EXD3: variants seen among roughly 807,000 people sequenced by gnomAD.
EXD3 encodes exonuclease mut-7 homolog.
EXD3 carries 92 observed loss-of-function variants against 98.0 expected under a neutral mutation model. The observed-to-expected ratio is 0.94, with a 90% confidence interval of 0.79 to 1.12. The LOEUF is 1.12. Among genes scored for constraint, EXD3 ranks in the 50% most tolerant of loss-of-function variants. EXD3 has a pLI of 0.00. For missense variants in EXD3, 1,222 were observed against 1,191.6 expected (o/e 1.03, Z -0.38); for synonymous variants, 569 against 526.0 (o/e 1.08, Z -1.12).
intron 19 of EXD3, among the ~76,000 whole-genome samples, chr9:137,312,451 T>A (rs1203945758): frequency 2.0e-5 from 3 of 152,158 alleles, no homozygotes; most frequent in Non-Finnish European, 4.4e-5. Context: ...CGCCCGGGAC[T>A]GTGCGGGCTG....
intron 17 of EXD3, among the ~76,000 whole-genome samples, chr9:137,335,898 T>C (rs1316885212): frequency 3.9e-5 from 6 of 151,974 alleles, no homozygotes; most frequent in African/African-American, 1.5e-4. Context: ...TAAGTATCCA[T>C]CAAGCAATGA....
At chr9:137,339,385 C>T (rs1010468301) in intron 17 of EXD3, among the ~76,000 whole-genome samples, 2 of 151,044 alleles carry the variant, frequency 1.3e-5, no homozygotes, top group South Asian at 2.1e-4. Context: ...CAGACCAGGC[C>T]GGGTGAGGTG....
chr9:137,348,230 C>T lies in EXD3; in HGVS notation c.1839G>A (p.Val613=), dbSNP rs1307918204. 15 of 1,611,218 alleles carry T rather than the reference C, an allele frequency of 9.3e-6. No homozygotes were observed. Among genetic ancestry groups the T allele is most frequent in the Non-Finnish European group, 1.3e-5 (15 of 1,179,452 alleles). The change falls in exon 17 of 22, where the codon GTG becomes GTA. Residue 613 remains valine (V), a synonymous_variant. Transcript: ENST00000340951. ...SAPAAPRQVP[V]AVAVSEGAAP... ...CAGCGCCCTCAGACACAGCCACAGCCACAGGGACCTGCAGTGAGGCCCTGG... is the reference window on the plus strand; with the variant it reads ...CAGCGCCCTCAGACACAGCCACAGCTACAGGGACCTGCAGTGAGGCCCTGG...
chr9:137,323,447 G>A (rs555358514), intron 19 of EXD3, among the ~76,000 whole-genome samples: 11 of 26,832 alleles, frequency 4.1e-4, no homozygotes, highest in Non-Finnish European at 7.1e-4. Context: ...ACCCCACCCC[G>A]GACCCACGAG....
rs1305759332 is a variant in EXD3 at position 137,407,368 on chromosome 9, C to T, written c.-47-11964G>A. On this transcript the variant is annotated intron_variant, in intron 1 of 21. Transcript: ENST00000340951. The surrounding 1 kb of genome is among the most constrained non-coding windows in gnomAD (Gnocchi z 4.4). ...CTAAATACCGCAGAGGTGACTGCTC[C>T]CCCGCGAAGCCCACCCACCTGAGGT... Among the ~76,000 whole-genome samples the T allele has an allele frequency of 2.6e-5, 4 of 152,244 alleles. No individual in the cohort carries two copies. Among genetic ancestry groups the T allele is most frequent in the Admixed American group, 2.6e-4 (4 of 15,292 alleles).
intron 17 of EXD3, among the ~76,000 whole-genome samples, chr9:137,346,324 G>A (rs935335778): frequency 6.7e-6 from 1 of 149,254 alleles, no homozygotes; most frequent in African/African-American, 2.5e-5. Context: ...AAACTATATG[G>A]GTAAGATTAC....
Position 137,395,943 on chromosome 9 carries a change from GT to G in EXD3, c.-47-540del, listed in dbSNP as rs917595096. On this transcript the variant is annotated intron_variant, in intron 1 of 21. Transcript: ENST00000340951. The surrounding 1 kb of genome is among the most constrained non-coding windows in gnomAD (Gnocchi z 6.5). ...GGCAGACCTCAGTCTCCCTCAGAGTGTTTTTTTTTCTTTTCTTTCTTTCTTT... is the reference window on the plus strand; with the variant it reads ...GGCAGACCTCAGTCTCCCTCAGAGTGTTTTTTTTCTTTTCTTTCTTTCTTT... Among the ~76,000 whole-genome samples the G allele has an allele frequency of 2.7e-5, 4 of 149,316 alleles. No homozygotes were observed. The highest frequency in any genetic ancestry group is 6.7e-5 in the Admixed American group (1 of 14,954).
At chr9:137,422,815 G>A (rs1464098845) in intron 1 of EXD3, among the ~76,000 whole-genome samples, 2 of 152,170 alleles carry the variant, frequency 1.3e-5, no homozygotes, top group Non-Finnish European at 2.9e-5. Flanking sequence ...TGTGATGTCC[G>A]TGCTCGGAAG....
At chr9:137,338,825 G>A (rs1243996195) in intron 17 of EXD3, among the ~76,000 whole-genome samples, 4 of 150,416 alleles carry the variant, frequency 2.7e-5, no homozygotes, top group Non-Finnish European at 5.9e-5. Context: ...CCCGGGAGGC[G>A]GAGCTTGTAG....
At position 137,352,770 on chromosome 9, in the gene EXD3, CT is replaced by C; in HGVS notation, c.886del (p.Ser296AlafsTer61). ...AGACAGCTGCTCCTGAAGCCACGGG[CT>C]CTGCCCCACCAGGCCCTGTGAGGAG... ...TDHVQGLVGQSPWLQEQLSQL... is the reference protein window; with the variant it reads ...TDHVQGLVGQXPWLQEQLSQL... On this transcript the variant is annotated frameshift_variant, in exon 11 of 22. Transcript: ENST00000340951. LOFTEE classifies it high-confidence loss of function. 6.3e-7 allele frequency: 1 copy of C among 1,581,656 alleles called. No individual in the cohort carries two copies. The highest frequency in any genetic ancestry group is 8.6e-7 in the Non-Finnish European group (1 of 1,165,812).
chr9:137,307,035 G>A lies in EXD3; in HGVS notation c.2546C>T (p.Ala849Val), dbSNP rs372867176. The part of the protein sequence containing the change: ...FWDGSHLGRV[A>V]THFRDMLESA... ...CTCCAGCATGTCTCGGAAGTGGGTG[G>A]CAACACGACCCAGGTGGGAGCCGTC... The change falls in exon 22 of 22, where the codon GCC becomes GTC. Residue 849 changes from alanine (A) to valine (V), a missense_variant. Coordinates refer to ENST00000340951, the MANE Select transcript of EXD3 (RefSeq NM_017820.5). 1 of 1,612,254 alleles carries A rather than the reference G, an allele frequency of 6.2e-7. No homozygotes were observed. Among genetic ancestry groups the A allele is most frequent in the Non-Finnish European group, 8.5e-7 (1 of 1,179,646 alleles).
At position 137,373,011 on chromosome 9, in the gene EXD3, G is replaced by C. The variant is rs377286131; in HGVS notation, c.356C>G (p.Pro119Arg). The change falls in exon 5 of 22, where the codon CCC becomes CGC. Residue 119 changes from proline (P) to arginine (R), a missense_variant. Coordinates refer to ENST00000340951, the MANE Select transcript of EXD3 (RefSeq NM_017820.5). ...RAVKVLTESP[P>R]SLAAPLASIF... ...GCTGGCCAGTGGTGCCGCAAGGCTG[G>C]GGGGGCTCTCAGTGAGGACTTTGAC... 11 of 1,605,290 alleles carry C rather than the reference G, an allele frequency of 6.9e-6. No homozygotes were observed. The highest frequency in any genetic ancestry group is 2.2e-5 in the East Asian group (1 of 44,864).
At chr9:137,310,518 G>A (rs553261099) in intron 19 of EXD3, among the ~76,000 whole-genome samples, 6 of 152,268 alleles carry the variant, frequency 3.9e-5, no homozygotes, top group East Asian at 3.9e-4. Flanking sequence ...TGTGTGCCAC[G>A]CCCAGCCCCT....
At position 137,392,474 on chromosome 9, in the gene EXD3, G is replaced by A. The variant is rs184506627; in HGVS notation, c.55+2829C>T. Reference sequence around the variant, plus strand: ...CGGACAGGTGTCCAGGCAGCGAGGCGGGGCCAGCACAGGGGCCAGGACACC... The same window carrying A: ...CGGACAGGTGTCCAGGCAGCGAGGCAGGGCCAGCACAGGGGCCAGGACACC... On this transcript the variant is annotated intron_variant, in intron 2 of 21. Coordinates refer to ENST00000340951, the MANE Select transcript of EXD3 (RefSeq NM_017820.5). 5.4e-4 allele frequency: 93 copies of A among 171,110 alleles called. No individual in the cohort carries two copies. In the East Asian group the frequency reaches 0.013, roughly 24 times the overall value. 10.6% of individuals were successfully genotyped at this position (171,110 alleles called of 1,614,324 possible).
At chr9:137,363,825 G>T (rs2119284375) in intron 7 of EXD3, among the ~76,000 whole-genome samples, 1 of 152,176 alleles carries the variant, frequency 6.6e-6, no homozygotes, top group South Asian at 2.1e-4. Context: ...CAAGAATTTG[G>T]TCTATTACAT....
Position 137,356,377 on chromosome 9 carries a change from A to T in EXD3, c.657-9T>A, listed in dbSNP as rs1182303375. The T allele has an allele frequency of 8.4e-6, 13 of 1,541,000 alleles. No individual in the cohort carries two copies. Among genetic ancestry groups the T allele is most frequent in the Non-Finnish European group, 1.2e-5 (13 of 1,124,964 alleles). ...TCACCTCAGGGTACCGTCTGTGGGG[A>T]GAGAGAGGCACAGCCTCTGTTGCTG... On this transcript the variant is annotated splice_polypyrimidine_tract_variant and intron_variant, in intron 7 of 21. Transcript: ENST00000340951.
chr9:137,340,147 G>C (rs1425634380), intron 17 of EXD3, among the ~76,000 whole-genome samples: 1 of 152,196 alleles, frequency 6.6e-6, no homozygotes, highest in Non-Finnish European at 1.5e-5. Flanking sequence ...TGAAATCTAA[G>C]AAAAGACATG....
intron 19 of EXD3, among the ~76,000 whole-genome samples, chr9:137,321,681 C>T (rs1391438666): frequency 6.6e-6 from 1 of 152,070 alleles, no homozygotes; most frequent in African/African-American, 2.4e-5. Context: ...AGACTCCGTC[C>T]CACCCCCAAA....
In EXD3 at chr9:137,334,963, G is replaced by C. The variant is rs1347143630; in HGVS notation, c.1999-10820C>G. 3.3e-5 allele frequency among the ~76,000 whole-genome samples: 5 copies of C among 152,034 alleles called. No homozygotes were observed. In the East Asian group the frequency reaches 9.7e-4, roughly 29 times the overall value. ...ATGGTGGCAGGCGCCTGTAGTCCCA[G>C]CTACTCGGGAGGCTGAGGCAGGAGA... On this transcript the variant is annotated intron_variant, in intron 17 of 21. Transcript: ENST00000340951.
Sources: gnomAD v4.1 joint callset for allele counts (sites outside exome capture counted in the v4.1 genomes callset) on GRCh38, gnomAD v4.1.1 for gene constraint, Gnocchi (gnomAD v3.1) non-coding constraint, MANE v1.5 for transcripts, NCBI Gene and HGNC (gene_info 2026-07-23, HGNC 2026-07-21) for gene names.